Variants in FRMD6 observed in about 807,000 individuals in gnomAD.
FRMD6 encodes the protein FERM domain containing 6.
FRMD6 carries 37 observed loss-of-function variants against 73.2 expected under a neutral mutation model. The ratio of observed to expected loss-of-function variants is 0.51; its 90% CI spans 0.39 to 0.66. The LOEUF (loss-of-function observed/expected upper bound fraction) is 0.66, where lower values mean the gene tolerates loss of function less well. Among genes scored for constraint, FRMD6 ranks in the 30% least tolerant of loss-of-function variants. FRMD6 has a pLI of 0.00. For synonymous variants in FRMD6, 273 were observed against 282.2 expected (o/e 0.97, Z 0.33); for missense variants, 714 against 780.5 (o/e 0.91, Z 1.02).
intron 1 of FRMD6, among the ~76,000 whole-genome samples, chr14:51,493,474 G>A (rs1377264575): frequency 1.3e-5 from 2 of 152,098 alleles, no homozygotes; most frequent in African/African-American, 4.8e-5. Flanking sequence ...TTTTATAAAG[G>A]GGAGTTCCCC....
the FRMD6 span, among the ~76,000 whole-genome samples, chr14:51,437,334 G>A: frequency 4.6e-5 from 7 of 152,108 alleles, no homozygotes; most frequent in African/African-American, 1.2e-4. Flanking sequence ...ATGGAGTCTC[G>A]CTCTGTCGCC....
chr14:51,457,573 C>T, the FRMD6 span, among the ~76,000 whole-genome samples: 1 of 152,132 alleles, frequency 6.6e-6, no homozygotes, highest in Non-Finnish European at 1.5e-5. Flanking sequence ...CCTGAACATC[C>T]ACCATTCCTA....
intron 2 of FRMD6, among the ~76,000 whole-genome samples, chr14:51,594,342 T>TTTA (rs1284549637): frequency 1.5e-4 from 10 of 65,162 alleles, no homozygotes; most frequent in African/African-American, 3.0e-4. Flanking sequence ...TTATTTATTT[T>TTTA]TTTGAGACGG....
intron 1 of FRMD6, among the ~76,000 whole-genome samples, chr14:51,547,144 G>A (rs957528694): frequency 2.6e-5 from 4 of 152,048 alleles, no homozygotes; most frequent in Non-Finnish European, 5.9e-5. Flanking sequence ...ACAGTGTTTT[G>A]CTGTCAAATT....
intron 1 of FRMD6, among the ~76,000 whole-genome samples, chr14:51,662,735 G>T (rs1434814326): frequency 2.0e-5 from 3 of 152,132 alleles, no homozygotes; most frequent in African/African-American, 7.2e-5. Context: ...CATAAAAATG[G>T]CAAACATTTA....
the FRMD6 span, among the ~76,000 whole-genome samples, chr14:51,472,078 C>T: frequency 0.022 from 3,306 of 152,180 alleles, 117 homozygotes; most frequent in African/African-American, 0.072. Flanking sequence ...GCCTCTAGAA[C>T]GGTTAGAAAT....
At chr14:51,646,047 G>A (rs888321297) in intron 2 of FRMD6, among the ~76,000 whole-genome samples, 4 of 151,868 alleles carry the variant, frequency 2.6e-5, no homozygotes, top group East Asian at 1.9e-4. Flanking sequence ...GGCCGGGTGC[G>A]GTGGCTCAAG....
At chr14:51,584,923 A>C (rs1888937004) in intron 2 of FRMD6, among the ~76,000 whole-genome samples, 1 of 152,146 alleles carries the variant, frequency 6.6e-6, no homozygotes, top group Non-Finnish European at 1.5e-5. Context: ...CAGTTTCCTC[A>C]TTCATAAAAA....
At chr14:51,585,939 G>GTGTATATATATATATA in intron 2 of FRMD6, among the ~76,000 whole-genome samples, 1 of 31,400 alleles carries the variant, frequency 3.2e-5, no homozygotes. Flanking sequence ...GTGTGTGTGT[G>GTGTATATATATATATA]TATATATATA....
intron 1 of FRMD6, among the ~76,000 whole-genome samples, chr14:51,564,773 TC>T (rs1887685670): frequency 6.6e-6 from 1 of 152,220 alleles, no homozygotes; most frequent in Non-Finnish European, 1.5e-5. Context: ...ATGTAGGAGC[TC>T]GCATTTGCTA....
At chr14:51,464,216 A>C in the FRMD6 span, among the ~76,000 whole-genome samples, 1 of 152,232 alleles carries the variant, frequency 6.6e-6, no homozygotes, top group Non-Finnish European at 1.5e-5. Flanking sequence ...TGAGAACAGC[A>C]AAAGAAACAG....
intron 1 of FRMD6, among the ~76,000 whole-genome samples, chr14:51,685,782 C>T (rs1895108303): frequency 6.6e-6 from 1 of 151,744 alleles, no homozygotes; most frequent in Non-Finnish European, 1.5e-5. Flanking sequence ...ATGTCCTTAA[C>T]TAGATGGTGA....
chr14:51,504,788 G>T (rs1210694595), intron 1 of FRMD6, among the ~76,000 whole-genome samples: 1 of 152,196 alleles, frequency 6.6e-6, no homozygotes, highest in Non-Finnish European at 1.5e-5. Flanking sequence ...ATGAGTCTGT[G>T]ATGAAGGCAT....
chr14:51,630,856 C>T (rs1891309319), intron 2 of FRMD6, among the ~76,000 whole-genome samples: 1 of 152,180 alleles, frequency 6.6e-6, no homozygotes, highest in Non-Finnish European at 1.5e-5. Flanking sequence ...CCAATTATTA[C>T]ACCTAAATTA....
the FRMD6 span, among the ~76,000 whole-genome samples, chr14:51,449,690 T>C: frequency 2.6e-5 from 4 of 152,138 alleles, no homozygotes; most frequent in South Asian, 4.2e-4. Flanking sequence ...AAAAAGCATA[T>C]AGTAGCAGTA....
the FRMD6 span, among the ~76,000 whole-genome samples, chr14:51,439,734 G>T: frequency 6.6e-6 from 1 of 152,190 alleles, no homozygotes; most frequent in Non-Finnish European, 1.5e-5. Context: ...GCATTGAAGA[G>T]GCTGTAGGCG....
intron 7 of FRMD6, among the ~76,000 whole-genome samples, chr14:51,708,647 A>T (rs997992938): frequency 1.4e-4 from 21 of 152,138 alleles, no homozygotes; most frequent in African/African-American, 4.8e-4. Context: ...AGTTACAAGA[A>T]CATTACCACA....
chr14:51,651,461 G>T (rs1401709024), upstream of FRMD6: 1 of 152,328 alleles, frequency 6.6e-6, no homozygotes, highest in African/African-American at 2.4e-5. Flanking sequence ...GGCTCTGGAG[G>T]GAGCGCCCCG....
At chr14:51,445,553 C>T in the FRMD6 span, among the ~76,000 whole-genome samples, 3 of 151,750 alleles carry the variant, frequency 2.0e-5, no homozygotes, top group Non-Finnish European at 2.9e-5. Context: ...GTAGCCAAAC[C>T]GCCTGGCTTT....
Sources: gnomAD v4.1 joint callset for allele counts (sites outside exome capture counted in the v4.1 genomes callset) on GRCh38, gnomAD v4.1.1 for gene constraint, MANE v1.5 for transcripts, NCBI Gene and HGNC (gene_info 2026-07-23, HGNC 2026-07-21) for gene names.